UNC13C: variants seen among roughly 807,000 people sequenced by gnomAD.
The protein encoded by UNC13C is protein unc-13 homolog C.
UNC13C carries 174 observed loss-of-function variants against 245.4 expected under a neutral mutation model. The observed-to-expected ratio is 0.71, with a 90% CI of 0.63 to 0.80. The LOEUF (loss-of-function observed/expected upper bound fraction) is 0.80, where lower values mean the gene tolerates loss of function less well. Among genes scored for constraint, UNC13C ranks in the 30% least tolerant of loss-of-function variants. UNC13C has a pLI of 0.00. For missense variants in UNC13C, 2,829 were observed against 2,602.9 expected (o/e 1.09, Z -1.89); for synonymous variants, 992 against 895.1 (o/e 1.11, Z -1.93).
At position 54,322,057 on chromosome 15, in the gene UNC13C, G is replaced by C; in HGVS notation, c.4387G>C (p.Val1463Leu). 6.3e-7 allele frequency: 1 copy of C among 1,588,234 alleles called. No individual in the cohort carries two copies. The highest frequency in any genetic ancestry group is 8.6e-7 in the Non-Finnish European group (1 of 1,166,550). ...CACAACAGTTTCAACAAACATACAG[G>C]TTTCTGCCTCAGATCGATTTGCTGC... ...AHTTVSTNIQVSASDRFAATN... is the reference protein window; with the variant it reads ...AHTTVSTNIQLSASDRFAATN... Residue 1463 changes from valine (V) to leucine (L), a missense_variant, in exon 14 of 33, where the codon GTT becomes CTT. Coordinates refer to ENST00000260323, the MANE Select transcript of UNC13C (RefSeq NM_001080534.3).
At chr15:54,205,613 C>T (rs751247034) in intron 4 of UNC13C, among the ~76,000 whole-genome samples, 1 of 152,002 alleles carries the variant, frequency 6.6e-6, no homozygotes, top group Non-Finnish European at 1.5e-5. Context: ...TTATTTCCAC[C>T]ATTTAGCCCC....
chr15:53,882,397 T>C, the UNC13C span, among the ~76,000 whole-genome samples: 33 of 152,188 alleles, frequency 2.2e-4, no homozygotes, highest in Non-Finnish European at 4.9e-4. Flanking sequence ...GTTTTTATTA[T>C]AATTCATTAT....
intron 4 of UNC13C, among the ~76,000 whole-genome samples, chr15:54,233,501 T>A (rs1257127787): frequency 6.6e-6 from 1 of 152,250 alleles, no homozygotes; most frequent in Admixed American, 6.5e-5. Flanking sequence ...TCCAAATATA[T>A]GTTATGGCAT....
intron 29 of UNC13C, among the ~76,000 whole-genome samples, chr15:54,564,328 A>G (rs1271347854): frequency 6.6e-6 from 1 of 152,008 alleles, no homozygotes; most frequent in Non-Finnish European, 1.5e-5. Flanking sequence ...GCTAAAAAAG[A>G]GGAAGTCAGT....
rs200500773 is a variant in UNC13C, at chr15:54,333,814, A to G, written c.4542A>G (p.Ser1514=). The part of the protein sequence containing the change: ...SNTERLQDLK[S]TVDLLTSITF... ...CTGAAAGACTGCAAGACCTGAAATC[A>G]ACTGTTGACCTGTTAACAAGTATCA... Residue 1514 remains serine (S), a synonymous_variant, in exon 16 of 33, where the codon TCA becomes TCG. Transcript: ENST00000260323. 3.1e-4 allele frequency: 506 copies of G among 1,607,150 alleles called. No homozygotes were observed. Among genetic ancestry groups the G allele is most frequent in the Non-Finnish European group, 4.2e-4 (492 of 1,176,422 alleles).
At chr15:54,457,302 G>A (rs1403516176) in intron 19 of UNC13C, among the ~76,000 whole-genome samples, 1 of 151,912 alleles carries the variant, frequency 6.6e-6, no homozygotes, top group African/African-American at 2.4e-5. Context: ...AAGGTTTTTT[G>A]CATTTATGTT....
chr15:54,463,541 A>G (rs1280782695), intron 19 of UNC13C, among the ~76,000 whole-genome samples: 1 of 151,682 alleles, frequency 6.6e-6, no homozygotes, highest in African/African-American at 2.4e-5. Context: ...GCAATTCCAG[A>G]CGCGCCGCCT....
chr15:54,552,718 T>G (rs181676992), intron 28 of UNC13C, among the ~76,000 whole-genome samples: 1 of 86,092 alleles, frequency 1.2e-5, no homozygotes, highest in African/African-American at 4.8e-5. Flanking sequence ...TATATTATAT[T>G]GTACAATATA....
At chr15:53,934,592 T>C in the UNC13C span, among the ~76,000 whole-genome samples, 1 of 152,206 alleles carries the variant, frequency 6.6e-6, no homozygotes, top group Non-Finnish European at 1.5e-5. Flanking sequence ...ATTGACATTA[T>C]CTCCAATCCC....
At chr15:54,172,811 C>G (rs2033468310) in intron 4 of UNC13C, among the ~76,000 whole-genome samples, 1 of 141,070 alleles carries the variant, frequency 7.1e-6, no homozygotes, top group Admixed American at 7.2e-5. Context: ...ATATCCCTAC[C>G]CCATGGTTGT....
At chr15:54,516,799 C>CAAAAAAAAAAAAAAAAAAAAAAAAAAAA (rs59628073) in intron 24 of UNC13C, among the ~76,000 whole-genome samples, 3 of 123,642 alleles carry the variant, frequency 2.4e-5, no homozygotes, top group African/African-American at 9.6e-5. Flanking sequence ...GATGCTGTCT[C>CAAAAAAAAAAAAAAAAAAAAAAAAAAAA]AAAAAAAAAA....
At chr15:53,864,079 C>T in the UNC13C span, among the ~76,000 whole-genome samples, 8 of 152,116 alleles carry the variant, frequency 5.3e-5, no homozygotes, top group Admixed American at 5.2e-4. Flanking sequence ...CCTTGTTTTA[C>T]TTTTCCACTG....
chr15:54,193,474 C>T (rs1056605995), intron 4 of UNC13C, among the ~76,000 whole-genome samples: 2 of 151,978 alleles, frequency 1.3e-5, no homozygotes, highest in African/African-American at 2.4e-5. Context: ...TTACTACTTC[C>T]TTATTCTCTT....
intron 32 of UNC13C, 80 bp downstream of exon 32, chr15:54,624,034 G>T: frequency 6.5e-7 from 1 of 1,544,614 alleles, no homozygotes; most frequent in Non-Finnish European, 8.8e-7. Flanking sequence ...TTTGGAGTGT[G>T]AAGGGCTAAG....
intron 2 of UNC13C, among the ~76,000 whole-genome samples, chr15:54,085,006 T>G (rs1899156242): frequency 6.6e-6 from 1 of 152,194 alleles, no homozygotes; most frequent in Non-Finnish European, 1.5e-5. Flanking sequence ...GTATAAAAAT[T>G]TATTTTTATA....
chr15:54,184,270 TTTA>T (rs1253229058), intron 4 of UNC13C, among the ~76,000 whole-genome samples: 2 of 152,104 alleles, frequency 1.3e-5, no homozygotes, highest in African/African-American at 2.4e-5. Context: ...ATTTATTTAT[TTTA>T]TTATTATTAT....
At chr15:54,072,578 C>A (rs1203003638) in intron 2 of UNC13C, among the ~76,000 whole-genome samples, 1 of 152,036 alleles carries the variant, frequency 6.6e-6, no homozygotes, top group African/African-American at 2.4e-5. Flanking sequence ...CTTTTTATCC[C>A]CCGTTTCTTT....
intron 2 of UNC13C, among the ~76,000 whole-genome samples, chr15:54,138,063 A>G (rs2031824062): frequency 6.6e-6 from 1 of 151,932 alleles, no homozygotes; most frequent in African/African-American, 2.4e-5. Flanking sequence ...CCTTTGACCC[A>G]TTGGTTCTTC....
chr15:54,254,568 A>G (rs1276266508), intron 8 of UNC13C, among the ~76,000 whole-genome samples: 1 of 152,188 alleles, frequency 6.6e-6, no homozygotes, highest in African/African-American at 2.4e-5. Context: ...TGGTTTAAAT[A>G]TCATCTTTCC....
Sources: gnomAD v4.1 joint callset for allele counts (sites outside exome capture counted in the v4.1 genomes callset) on GRCh38, gnomAD v4.1.1 for gene constraint, MANE v1.5 for transcripts, NCBI Gene and HGNC (gene_info 2026-07-23, HGNC 2026-07-21) for gene names.